Variants in LINGO2 observed in about 807,000 individuals in gnomAD.
LINGO2 encodes leucine rich repeat and Ig domain containing 2, also known as leucine-rich repeat and immunoglobulin-like domain-containing nogo receptor-interacting protein 2.
In LINGO2, 14 loss-of-function variants were observed where a neutral mutation model predicts 30.6. That is an observed-to-expected ratio of 0.46 (90% CI 0.30 to 0.72). The LOEUF (loss-of-function observed/expected upper bound fraction) is 0.72. Among genes scored for constraint, LINGO2 ranks in the 30% least tolerant of loss-of-function variants. The pLI is 0.07. For synonymous variants in LINGO2, 317 were observed against 288.5 expected (o/e 1.10, Z -1.00); for missense variants, 729 against 751.7 (o/e 0.97, Z 0.35).
chr9:28,182,802 A>T (rs748542192), intron 4 of LINGO2, among the ~76,000 whole-genome samples: 1 of 152,194 alleles, frequency 6.6e-6, no homozygotes, highest in Non-Finnish European at 1.5e-5. Context: ...AAAAGTCAGG[A>T]AACAACAGAT....
the LINGO2 span, among the ~76,000 whole-genome samples, chr9:28,867,537 T>G: frequency 6.6e-6 from 1 of 151,640 alleles, no homozygotes; most frequent in African/African-American, 2.4e-5. Flanking sequence ...ATGTAAACAT[T>G]TGCCATAAAT....
At chr9:28,024,320 G>T (rs1323923033) in intron 4 of LINGO2, among the ~76,000 whole-genome samples, 2 of 152,166 alleles carry the variant, frequency 1.3e-5, no homozygotes, top group African/African-American at 2.4e-5. Flanking sequence ...TTGTGCAAAG[G>T]TGCCCGGAGG....
intron 4 of LINGO2, among the ~76,000 whole-genome samples, chr9:28,162,890 C>A (rs1828326095): frequency 6.6e-6 from 1 of 151,960 alleles, no homozygotes; most frequent in Non-Finnish European, 1.5e-5. Context: ...TAAGAAATTT[C>A]CAGACAGAAT....
chr9:28,291,919 C>A (rs1434283311), intron 4 of LINGO2, among the ~76,000 whole-genome samples: 1 of 152,058 alleles, frequency 6.6e-6, no homozygotes, highest in African/African-American at 2.4e-5. Context: ...CTGCTAAAAA[C>A]CAGAGATAAA....
chr9:28,122,305 A>G (rs146616421), intron 4 of LINGO2, among the ~76,000 whole-genome samples: 1 of 152,312 alleles, frequency 6.6e-6, no homozygotes, highest in Non-Finnish European at 1.5e-5. Flanking sequence ...TTAAAATATT[A>G]TTTAAATGTT....
chr9:28,235,146 A>C (rs1821514835), intron 4 of LINGO2, among the ~76,000 whole-genome samples: 1 of 152,176 alleles, frequency 6.6e-6, no homozygotes, highest in African/African-American at 2.4e-5. Flanking sequence ...ACATCACCAC[A>C]TATGCAGTTT....
At chr9:28,705,495 G>A in the LINGO2 span, among the ~76,000 whole-genome samples, 6 of 152,010 alleles carry the variant, frequency 3.9e-5, no homozygotes, top group Non-Finnish European at 8.8e-5. Flanking sequence ...GTTGGGACCT[G>A]ATAAAACCCC....
At chr9:28,999,655 A>G in the LINGO2 span, among the ~76,000 whole-genome samples, 1 of 151,984 alleles carries the variant, frequency 6.6e-6, no homozygotes, top group African/African-American at 2.4e-5. Flanking sequence ...ATCCTGCAAA[A>G]TCTATTTCTG....
At chr9:28,489,078 T>C (rs1193198591) in intron 1 of LINGO2, among the ~76,000 whole-genome samples, 3 of 152,344 alleles carry the variant, frequency 2.0e-5, no homozygotes, top group Non-Finnish European at 1.5e-5. Flanking sequence ...ATTCTAATGA[T>C]GCATATAGGG....
chr9:28,061,478 A>C (rs1825141504), intron 4 of LINGO2, among the ~76,000 whole-genome samples: 1 of 152,002 alleles, frequency 6.6e-6, no homozygotes, highest in Admixed American at 6.6e-5. Flanking sequence ...GGAATGTAAT[A>C]AAATATCATT....
At chr9:29,070,359 A>G in the LINGO2 span, among the ~76,000 whole-genome samples, 4 of 152,268 alleles carry the variant, frequency 2.6e-5, no homozygotes, top group African/African-American at 7.2e-5. Context: ...AAAACCGTAA[A>G]GTTGTTGAGG....
At chr9:28,109,505 C>G (rs778410647) in intron 4 of LINGO2, among the ~76,000 whole-genome samples, 2 of 152,116 alleles carry the variant, frequency 1.3e-5, no homozygotes, top group African/African-American at 2.4e-5. Flanking sequence ...CTAATCCACT[C>G]ACCCCCAAAA....
chr9:28,131,096 T>G (rs933995429), intron 4 of LINGO2, among the ~76,000 whole-genome samples: 5 of 152,004 alleles, frequency 3.3e-5, no homozygotes, highest in Non-Finnish European at 5.9e-5. Context: ...TTTTCTCTGC[T>G]TTCAACTCTG....
At chr9:28,921,810 G>A in the LINGO2 span, among the ~76,000 whole-genome samples, 1 of 152,174 alleles carries the variant, frequency 6.6e-6, no homozygotes, top group African/African-American at 2.4e-5. Flanking sequence ...CTTTACCTCT[G>A]ACTTCAAGTT....
the LINGO2 span, among the ~76,000 whole-genome samples, chr9:29,106,200 C>T: frequency 6.6e-6 from 1 of 152,064 alleles, no homozygotes; most frequent in Non-Finnish European, 1.5e-5. Flanking sequence ...ATCTGGGTAC[C>T]TAATATATTC....
chr9:28,231,227 T>C lies in LINGO2; in HGVS notation c.-87+63981A>G, dbSNP rs73645621. Among the ~76,000 whole-genome samples the C allele has an allele frequency of 4.9e-3, 745 of 151,992 alleles. 9 individuals carry two copies. The highest frequency in any genetic ancestry group is 0.017 in the African/African-American group (710 of 41,532). The stretch of plus-strand genomic sequence containing the variant: ...AAAGATAGGTAAGGATATTATTACA[T>C]TGGAAGGTGAAGGAGGACAACATGT... On this transcript the variant is annotated intron_variant, in intron 4 of 5. Coordinates refer to ENST00000379992, the Ensembl canonical transcript of LINGO2.
At chr9:28,234,510 C>A in intron 4 of LINGO2, among the ~76,000 whole-genome samples, 1 of 152,060 alleles carries the variant, frequency 6.6e-6, no homozygotes, top group East Asian at 1.9e-4. Context: ...AGAGGCAGAC[C>A]CACTCTCAAT....
the LINGO2 span, among the ~76,000 whole-genome samples, chr9:28,857,570 G>A: frequency 2.0e-5 from 3 of 151,998 alleles, no homozygotes; most frequent in Non-Finnish European, 4.4e-5. Context: ...ACTTTAGGCA[G>A]ATTGGCAAAG....
intron 4 of LINGO2, among the ~76,000 whole-genome samples, chr9:28,171,796 CAGG>C (rs966208174): frequency 6.0e-5 from 9 of 150,068 alleles, no homozygotes; most frequent in African/African-American, 2.2e-4. Context: ...ATCACGAGGT[CAGG>C]AGATGGACAC....
Sources: allele counts gnomAD v4.1 joint callset (sites outside exome capture counted in the v4.1 genomes callset), GRCh38; gene constraint gnomAD v4.1.1; transcripts MANE v1.5; gene names NCBI Gene and HGNC (gene_info 2026-07-23, HGNC 2026-07-21).